The following MITF variants were observed in gnomAD, a reference collection of about 807,000 sequenced individuals.
MITF encodes melanocyte inducing transcription factor, also known as microphthalmia-associated transcription factor.
A neutral mutation model predicts 60.5 loss-of-function variants in MITF; 17 were observed. The observed-to-expected ratio is 0.28, with a 90% CI of 0.19 to 0.42. The LOEUF (loss-of-function observed/expected upper bound fraction) is 0.42, where lower values mean the gene tolerates loss of function less well. MITF is among the 10% of genes least tolerant of loss of function. MITF has a pLI of 1.00. For synonymous variants in MITF, 260 were observed against 248.5 expected (o/e 1.05, Z -0.43); for missense variants, 622 against 683.5 (o/e 0.91, Z 1.00).
chr3:69,939,689 A>G (rs1031678203), intron 4 of MITF, among the ~76,000 whole-genome samples: 2 of 152,148 alleles, frequency 1.3e-5, no homozygotes, highest in South Asian at 2.1e-4. Flanking sequence ...ATATCTATTT[A>G]TATATCTATG....
At chr3:69,775,908 C>T (rs2062466156) in intron 1 of MITF, among the ~76,000 whole-genome samples, 1 of 152,162 alleles carries the variant, frequency 6.6e-6, no homozygotes, top group Non-Finnish European at 1.5e-5. Context: ...ATGGGCTTTT[C>T]CCAAGCTCGG....
At chr3:69,950,904 C>G (rs534794526) in intron 6 of MITF, among the ~76,000 whole-genome samples, 129 of 152,148 alleles carry the variant, frequency 8.5e-4, no homozygotes, top group African/African-American at 2.5e-3. Context: ...TTTCCAATTG[C>G]AGTTGCCACC....
At chr3:69,908,934 T>C (rs2065159981) in intron 2 of MITF, among the ~76,000 whole-genome samples, 1 of 152,256 alleles carries the variant, frequency 6.6e-6, no homozygotes, top group African/African-American at 2.4e-5. Context: ...AATAAGTCCT[T>C]AGAAAATATC....
chr3:69,884,821 A>G (rs1275062822), intron 2 of MITF, among the ~76,000 whole-genome samples: 1 of 152,046 alleles, frequency 6.6e-6, no homozygotes, highest in Non-Finnish European at 1.5e-5. Context: ...CTGGCTGCAG[A>G]AAGTCATCTT....
chr3:69,906,579 A>G (rs1358288711), intron 2 of MITF, among the ~76,000 whole-genome samples: 1 of 152,196 alleles, frequency 6.6e-6, no homozygotes, highest in Non-Finnish European at 1.5e-5. Context: ...ATTTTCCCAA[A>G]TAGCAGAGGG....
chr3:69,909,000 A>G (rs1274285555), intron 2 of MITF, among the ~76,000 whole-genome samples: 3 of 151,942 alleles, frequency 2.0e-5, no homozygotes, highest in Non-Finnish European at 4.4e-5. Flanking sequence ...GCTAAGTTCT[A>G]TTAGGTTTTT....
chr3:69,926,540 A>G (rs918623153), intron 2 of MITF, among the ~76,000 whole-genome samples: 80 of 152,146 alleles, frequency 5.3e-4, no homozygotes, highest in African/African-American at 1.9e-3. Flanking sequence ...ATAAACTGCA[A>G]ACAATGGGGG....
chr3:69,858,071 C>T (rs2063950650), intron 1 of MITF, among the ~76,000 whole-genome samples: 1 of 151,890 alleles, frequency 6.6e-6, no homozygotes, highest in Non-Finnish European at 1.5e-5. Flanking sequence ...GAACACATGA[C>T]AATATTTTAA....
rs144637254 is a variant in MITF, at chr3:69,832,036, C to T, written c.105-47098C>T. ...CAATGCTCAGAATTTTGGCTGCTCT[C>T]TGGTCTTTCCAACATTTGGTTACTA... On this transcript the variant is annotated intron_variant, in intron 1 of 9. Transcript: ENST00000352241. Among the ~76,000 whole-genome samples, 291 of 152,326 alleles carry T rather than the reference C, an allele frequency of 1.9e-3. 1 individual carries two copies. Among genetic ancestry groups the T allele is most frequent in the African/African-American group, 6.7e-3 (277 of 41,564 alleles).
At chr3:69,794,689 C>T (rs934955777) in intron 1 of MITF, among the ~76,000 whole-genome samples, 2 of 152,170 alleles carry the variant, frequency 1.3e-5, no homozygotes, top group African/African-American at 2.4e-5. Context: ...AGATACACAT[C>T]CATGTAGCTA....
intron 1 of MITF, among the ~76,000 whole-genome samples, chr3:69,759,859 G>C (rs1226584252): frequency 6.6e-6 from 1 of 152,050 alleles, no homozygotes; most frequent in Non-Finnish European, 1.5e-5. Flanking sequence ...CTCACTGCAA[G>C]CTCCACCTCC....
chr3:69,900,705 G>A (rs892623799), intron 2 of MITF, among the ~76,000 whole-genome samples: 2 of 152,100 alleles, frequency 1.3e-5, no homozygotes, highest in African/African-American at 4.8e-5. Context: ...AATACTTTGG[G>A]AATATTTGAC....
chr3:69,815,143 C>A (rs2063161445), intron 1 of MITF, among the ~76,000 whole-genome samples: 1 of 152,148 alleles, frequency 6.6e-6, no homozygotes, highest in Admixed American at 6.5e-5. Flanking sequence ...CTCAGACATA[C>A]AAAAACACTG....
chr3:69,856,278 A>G (rs1036419101), intron 1 of MITF, among the ~76,000 whole-genome samples: 1 of 152,174 alleles, frequency 6.6e-6, no homozygotes, highest in Non-Finnish European at 1.5e-5. Context: ...ACCACATGGA[A>G]CTTTAAATAT....
chr3:69,875,833 A>G (rs995152940), intron 1 of MITF, among the ~76,000 whole-genome samples: 2 of 152,236 alleles, frequency 1.3e-5, no homozygotes, highest in East Asian at 1.9e-4. Flanking sequence ...GATTGAGAGC[A>G]AAGCTGAGAA....
intron 1 of MITF, among the ~76,000 whole-genome samples, chr3:69,848,460 T>C (rs1407099782): frequency 6.6e-6 from 1 of 152,200 alleles, no homozygotes; most frequent in Non-Finnish European, 1.5e-5. Context: ...TCTCCACACA[T>C]TTCCTCGAGC....
chr3:69,877,656 A>AT (rs1390374829), intron 1 of MITF, among the ~76,000 whole-genome samples: 4 of 152,120 alleles, frequency 2.6e-5, no homozygotes, highest in African/African-American at 7.2e-5. Flanking sequence ...TTAAATTGTT[A>AT]TTGTGTAGTT....
At chr3:69,828,444 G>A (rs951790552) in intron 1 of MITF, among the ~76,000 whole-genome samples, 1 of 151,992 alleles carries the variant, frequency 6.6e-6, no homozygotes, top group African/African-American at 2.4e-5. Context: ...TTCTCAAGTA[G>A]ATAATGTTAA....
At chr3:69,885,612 C>G (rs963133637) in intron 2 of MITF, among the ~76,000 whole-genome samples, 1 of 152,000 alleles carries the variant, frequency 6.6e-6, no homozygotes, top group Admixed American at 6.6e-5. Flanking sequence ...TTCTAAACCT[C>G]CAAAGTCCCA....
Sources: allele counts gnomAD v4.1 joint callset (sites outside exome capture counted in the v4.1 genomes callset), GRCh38; gene constraint gnomAD v4.1.1; transcripts MANE v1.5; gene names NCBI Gene and HGNC (gene_info 2026-07-23, HGNC 2026-07-21).